Variants in GDPD1 observed in about 807,000 individuals in gnomAD.
GDPD1 encodes the protein glycerophosphodiester phosphodiesterase domain containing 1.
A neutral mutation model predicts 45.1 loss-of-function variants in GDPD1; 28 were observed. That is an observed-to-expected ratio of 0.62 (90% CI 0.46 to 0.85). The LOEUF (loss-of-function observed/expected upper bound fraction) is 0.85, where lower values mean the gene tolerates loss of function less well. Among genes scored for constraint, GDPD1 ranks in the 40% least tolerant of loss-of-function variants. GDPD1 has a pLI of 0.00. For synonymous variants in GDPD1, 139 were observed against 131.4 expected (o/e 1.06, Z -0.40); for missense variants, 256 against 364.8 (o/e 0.70, Z 2.43).
chr17:59,225,998 G>T (rs991010619), intron 1 of GDPD1, among the ~76,000 whole-genome samples: 1 of 152,126 alleles, frequency 6.6e-6, no homozygotes, highest in Non-Finnish European at 1.5e-5. Flanking sequence ...TGGGATTACA[G>T]GCATGAGCCA....
At chr17:59,241,380 C>T (rs993863720) in intron 2 of GDPD1, among the ~76,000 whole-genome samples, 5 of 152,208 alleles carry the variant, frequency 3.3e-5, no homozygotes, top group South Asian at 4.2e-4. Context: ...TGCAATGGTG[C>T]GATCTTGGCT....
At chr17:59,222,505 C>CTTGTTTTTTTTTT (rs1941394558) in intron 1 of GDPD1, among the ~76,000 whole-genome samples, 1 of 41,754 alleles carries the variant, frequency 2.4e-5, no homozygotes. Context: ...AGTGCCCAGC[C>CTTGTTTTTTTTTT]TTTTTTTTTT....
intron 5 of GDPD1, 107 bp from the exon 6 acceptor site, chr17:59,257,644 A>G: frequency 1.4e-6 from 1 of 696,728 alleles, no homozygotes; most frequent in Non-Finnish European, 2.5e-6. Flanking sequence ...TCCAAAAGTT[A>G]TGCTATTCAT....
intron 2 of GDPD1, among the ~76,000 whole-genome samples, chr17:59,241,962 T>C (rs1482482945): frequency 6.6e-6 from 1 of 152,178 alleles, no homozygotes; most frequent in Non-Finnish European, 1.5e-5. Context: ...TCAGTGTTTA[T>C]TAGATTAAAT....
Position 59,273,800 on chromosome 17 carries a change from G to A in GDPD1, c.*27G>A, listed in dbSNP as rs1456809336. The A allele has an allele frequency of 1.3e-6, 2 of 1,519,362 alleles. No homozygotes were observed. The highest frequency in any genetic ancestry group is 1.3e-5 in the South Asian group (1 of 75,508). 94.1% of individuals were successfully genotyped at this position (1,519,362 alleles called of 1,614,324 possible). A position where few individuals can be genotyped will look rare whatever the true frequency, so the allele number is the denominator to read the frequency against. ...AAAAGAGGTACTTAGAAGTATTGAA[G>A]GAAAAAATGAAGACCTAAGAAAAAA... On this transcript the variant is annotated 3_prime_UTR_variant, in exon 10 of 10. Transcript: ENST00000284116.
intron 8 of GDPD1, among the ~76,000 whole-genome samples, chr17:59,272,098 T>C (rs2147909669): frequency 6.6e-6 from 1 of 152,290 alleles, no homozygotes. Context: ...TTTTCAACCC[T>C]ATTAACTGAC....
intron 2 of GDPD1, among the ~76,000 whole-genome samples, chr17:59,243,642 C>T (rs1255696124): frequency 1.3e-5 from 2 of 152,116 alleles, no homozygotes; most frequent in African/African-American, 4.8e-5. Flanking sequence ...ACCAGGGATC[C>T]TTGGCTGTCT....
At chr17:59,263,100 T>C (rs2047370716) in intron 6 of GDPD1, among the ~76,000 whole-genome samples, 1 of 152,210 alleles carries the variant, frequency 6.6e-6, no homozygotes, top group Non-Finnish European at 1.5e-5. Context: ...GTCTTGATAC[T>C]ATAGTATAGT....
chr17:59,264,946 T>G (rs962827087), intron 6 of GDPD1, among the ~76,000 whole-genome samples: 1 of 152,036 alleles, frequency 6.6e-6, no homozygotes, highest in Non-Finnish European at 1.5e-5. Flanking sequence ...GTTCAAGAGA[T>G]TCTCCTGCCT....
intron 1 of GDPD1, among the ~76,000 whole-genome samples, chr17:59,223,447 C>T (rs1416077222): frequency 6.6e-6 from 1 of 152,176 alleles, no homozygotes; most frequent in Non-Finnish European, 1.5e-5. Context: ...CTTTGTAATT[C>T]AAGATACTAC....
At chr17:59,241,787 G>T (rs1176575634) in intron 2 of GDPD1, among the ~76,000 whole-genome samples, 1 of 151,930 alleles carries the variant, frequency 6.6e-6, no homozygotes, top group Non-Finnish European at 1.5e-5. Flanking sequence ...AATTAGCTGG[G>T]CGTGGTGGCA....
chr17:59,251,220 T>C (rs1184313978), intron 4 of GDPD1, among the ~76,000 whole-genome samples: 1 of 152,184 alleles, frequency 6.6e-6, no homozygotes, highest in African/African-American at 2.4e-5. Context: ...AAATGTTGTA[T>C]TAAGAACAAT....
In GDPD1 at chr17:59,274,695, G is replaced by A. The variant is rs1167206454; in HGVS notation, c.*922G>A. Reference sequence around the variant, plus strand: ...CGGGAGGCTGAGTCAGGAGAATGGCGTGAACCCGGGAGGCGGAGCTTGCAG... The same window carrying A: ...CGGGAGGCTGAGTCAGGAGAATGGCATGAACCCGGGAGGCGGAGCTTGCAG... On this transcript the variant is annotated 3_prime_UTR_variant, in exon 10 of 10. Transcript: ENST00000284116. Among the ~76,000 whole-genome samples the A allele has an allele frequency of 3.5e-5, 5 of 141,156 alleles. No individual in the cohort carries two copies. Among genetic ancestry groups the A allele is most frequent in the East Asian group, 4.4e-4 (2 of 4,506 alleles). The allele number at this position is 141,156 out of a possible 152,430, so 92.6% of individuals were successfully genotyped here. A position where few individuals can be genotyped will look rare whatever the true frequency, so the allele number is the denominator to read the frequency against.
At chr17:59,229,567 G>A (rs2047073445) in intron 1 of GDPD1, among the ~76,000 whole-genome samples, 1 of 150,578 alleles carries the variant, frequency 6.6e-6, no homozygotes, top group South Asian at 2.1e-4. Flanking sequence ...TCACCATGTT[G>A]GCTAGGTGGG....
At chr17:59,224,647 C>G (rs9913912) in intron 1 of GDPD1, among the ~76,000 whole-genome samples, 1 of 120,724 alleles carries the variant, frequency 8.3e-6, no homozygotes, top group African/African-American at 2.7e-5. Context: ...AAACAAAAAA[C>G]AAAAACAAAA....
At chr17:59,235,427 A>C (rs1291052125) in intron 2 of GDPD1, among the ~76,000 whole-genome samples, 1 of 152,134 alleles carries the variant, frequency 6.6e-6, no homozygotes, top group East Asian at 1.9e-4. Context: ...GTTTCACCTA[A>C]ATCCTATCTT....
intron 2 of GDPD1, 94 bp from the exon 3 acceptor site, chr17:59,245,320 A>AT: frequency 1.1e-6 from 1 of 891,798 alleles, no homozygotes; most frequent in Non-Finnish European, 1.8e-6. Flanking sequence ...GTATTATGGG[A>AT]TTTTGGATTT....
At chr17:59,245,762 ATTGT>A (rs1399101145) in intron 3 of GDPD1, among the ~76,000 whole-genome samples, 3 of 152,088 alleles carry the variant, frequency 2.0e-5, no homozygotes, top group South Asian at 2.1e-4. Context: ...AGATGGGAGG[ATTGT>A]TTGAGGCCAG....
chr17:59,236,839 A>G (rs1250233703), intron 2 of GDPD1, among the ~76,000 whole-genome samples: 1 of 151,860 alleles, frequency 6.6e-6, no homozygotes, highest in African/African-American at 2.4e-5. Context: ...TGTTTGTTAG[A>G]TGTATTTATT....
Sources: allele counts gnomAD v4.1 joint callset (sites outside exome capture counted in the v4.1 genomes callset), GRCh38; gene constraint gnomAD v4.1.1; transcripts MANE v1.5; gene names NCBI Gene and HGNC (gene_info 2026-07-23, HGNC 2026-07-21).